Variants in GPR158 observed in about 807,000 individuals in gnomAD.
The protein encoded by GPR158 is G protein-coupled receptor 158, also known as metabotropic glycine receptor.
In GPR158, 30 loss-of-function variants were observed where a neutral mutation model predicts 78.2. That is an observed-to-expected ratio of 0.38 (90% confidence interval 0.29 to 0.52). The LOEUF (loss-of-function observed/expected upper bound fraction) is 0.52. GPR158 is among the 20% of genes least tolerant of loss of function. GPR158 has a pLI of 0.83. For missense variants in GPR158, 1,463 were observed against 1,523.5 expected (o/e 0.96, Z 0.66); for synonymous variants, 581 against 591.1 (o/e 0.98, Z 0.25).
intron 2 of GPR158, among the ~76,000 whole-genome samples, chr10:25,276,288 A>G (rs946216258): frequency 6.6e-6 from 1 of 152,196 alleles, no homozygotes; most frequent in African/African-American, 2.4e-5. Context: ...ACATGCTGTT[A>G]GGTTCACTGG....
intron 2 of GPR158, among the ~76,000 whole-genome samples, chr10:25,324,545 A>G (rs1299241792): frequency 6.6e-6 from 1 of 152,200 alleles, no homozygotes; most frequent in Non-Finnish European, 1.5e-5. Flanking sequence ...ACCATAACAG[A>G]TATAATAATA....
intron 2 of GPR158, among the ~76,000 whole-genome samples, chr10:25,233,119 G>A (rs1333404272): frequency 6.6e-6 from 1 of 152,142 alleles, no homozygotes; most frequent in East Asian, 1.9e-4. Flanking sequence ...ATGCTCAGAG[G>A]GACTTATAAG....
At chr10:25,464,633 T>C (rs1207619991) in intron 4 of GPR158, among the ~76,000 whole-genome samples, 1 of 152,192 alleles carries the variant, frequency 6.6e-6, no homozygotes, top group Non-Finnish European at 1.5e-5. Flanking sequence ...AAAGTGGTTA[T>C]TTCATAATTC....
intron 7 of GPR158, among the ~76,000 whole-genome samples, chr10:25,577,196 T>C (rs1226181241): frequency 2.0e-5 from 3 of 152,182 alleles, no homozygotes; most frequent in African/African-American, 7.2e-5. Context: ...TTTATAGAGC[T>C]CTATAAGTAA....
chr10:25,488,621 A>G (rs1386717004), intron 5 of GPR158, among the ~76,000 whole-genome samples: 1 of 152,158 alleles, frequency 6.6e-6, no homozygotes, highest in Non-Finnish European at 1.5e-5. Flanking sequence ...TTTTGTGGAA[A>G]ACTGCCTATC....
intron 4 of GPR158, among the ~76,000 whole-genome samples, chr10:25,440,998 A>G (rs1358719135): frequency 6.6e-6 from 1 of 152,224 alleles, no homozygotes; most frequent in African/African-American, 2.4e-5. Flanking sequence ...ATGAAAAATA[A>G]AAAGGATAGG....
intron 2 of GPR158, among the ~76,000 whole-genome samples, chr10:25,320,440 G>A (rs113116836): frequency 0.015 from 2,319 of 152,322 alleles, 69 homozygotes; most frequent in African/African-American, 0.053. Flanking sequence ...CTTCACACTT[G>A]CCATGGTGTT....
intron 6 of GPR158, among the ~76,000 whole-genome samples, chr10:25,565,072 T>A (rs1019482391): frequency 2.0e-5 from 3 of 152,210 alleles, no homozygotes; most frequent in African/African-American, 7.2e-5. Flanking sequence ...TATATTGTTA[T>A]CAAAATTCTT....
chr10:25,570,222 C>A (rs977468700), intron 6 of GPR158, among the ~76,000 whole-genome samples: 5 of 152,152 alleles, frequency 3.3e-5, no homozygotes, highest in Non-Finnish European at 2.9e-5. Context: ...TTTTAATCTG[C>A]TAATTACAAT....
chr10:25,267,045 T>G (rs1163904911), intron 2 of GPR158, among the ~76,000 whole-genome samples: 1 of 152,198 alleles, frequency 6.6e-6, no homozygotes, highest in Non-Finnish European at 1.5e-5. Context: ...GTTTTGTCTT[T>G]CTGCCCTCTA....
intron 5 of GPR158, among the ~76,000 whole-genome samples, chr10:25,538,986 G>C (rs1836538863): frequency 6.6e-6 from 1 of 152,154 alleles, no homozygotes; most frequent in Non-Finnish European, 1.5e-5. Context: ...TCTTCTCATA[G>C]AGAGATGGGA....
intron 2 of GPR158, among the ~76,000 whole-genome samples, chr10:25,243,079 A>G (rs1853646850): frequency 1.3e-5 from 2 of 152,226 alleles, no homozygotes; most frequent in Non-Finnish European, 2.9e-5. Context: ...ATCAAGTGCA[A>G]TCTTGCCACC....
chr10:25,365,438 A>C (rs772360884), intron 2 of GPR158, among the ~76,000 whole-genome samples: 1 of 151,708 alleles, frequency 6.6e-6, no homozygotes, highest in Non-Finnish European at 1.5e-5. Context: ...AAACCCTGCA[A>C]AATTTCACTG....
intron 5 of GPR158, among the ~76,000 whole-genome samples, chr10:25,509,764 T>A (rs1836059582): frequency 6.6e-6 from 1 of 152,242 alleles, no homozygotes; most frequent in African/African-American, 2.4e-5. Context: ...TCACCCAGGC[T>A]GGAGTGCAGT....
intron 2 of GPR158, among the ~76,000 whole-genome samples, chr10:25,381,860 A>G (rs886240159): frequency 2.0e-5 from 3 of 152,234 alleles, no homozygotes; most frequent in Non-Finnish European, 4.4e-5. Context: ...GCACACATGA[A>G]GTTTTTTATT....
chr10:25,279,101 AG>A (rs1415571431), intron 2 of GPR158, among the ~76,000 whole-genome samples: 1 of 152,168 alleles, frequency 6.6e-6, no homozygotes, highest in Non-Finnish European at 1.5e-5. Context: ...ATGAGACAGG[AG>A]GGAGTTGATT....
intron 2 of GPR158, among the ~76,000 whole-genome samples, chr10:25,255,144 CTT>C (rs1853873992): frequency 6.6e-6 from 1 of 152,158 alleles, no homozygotes; most frequent in Non-Finnish European, 1.5e-5. Flanking sequence ...GCAAATAGCT[CTT>C]TTACTGAGAG....
chr10:25,357,890 T>C (rs1192942611), intron 2 of GPR158, among the ~76,000 whole-genome samples: 4 of 152,020 alleles, frequency 2.6e-5, no homozygotes, highest in Non-Finnish European at 5.9e-5. Context: ...ACTATGTGCC[T>C]GGAAAAGCTG....
At chr10:25,347,513 T>C (rs1855387940) in intron 2 of GPR158, among the ~76,000 whole-genome samples, 1 of 152,012 alleles carries the variant, frequency 6.6e-6, no homozygotes, top group East Asian at 1.9e-4. Flanking sequence ...CCTAATACTT[T>C]ATGGTAAGTC....
Sources: allele counts gnomAD v4.1 joint callset (sites outside exome capture counted in the v4.1 genomes callset), GRCh38; gene constraint gnomAD v4.1.1; transcripts MANE v1.5; gene names NCBI Gene and HGNC (gene_info 2026-07-23, HGNC 2026-07-21).